The following LGSN variants were observed in gnomAD, a reference collection of about 807,000 sequenced individuals.
The protein encoded by LGSN is lengsin.
LGSN carries 21 observed loss-of-function variants against 19.5 expected under a neutral mutation model. The observed-to-expected ratio is 1.07, with a 90% CI of 0.76 to 1.55. The LOEUF (loss-of-function observed/expected upper bound fraction) is 1.55, where lower values mean the gene tolerates loss of function less well. LGSN is among the 40% of genes most tolerant of loss of function. The pLI, the probability that LGSN is intolerant of heterozygous loss-of-function variation, is 0.00. For missense variants in LGSN, 673 were observed against 608.5 expected, an observed-to-expected ratio of 1.11 and a Z score of -1.12; for synonymous variants, 257 against 215.6, an observed-to-expected ratio of 1.19 and a Z score of -1.68.
At chr6:63,399,570 A>AT in the LGSN span, among the ~76,000 whole-genome samples, 1 of 151,466 alleles carries the variant, frequency 6.6e-6, no homozygotes, top group African/African-American at 2.4e-5. Context: ...AATTTCTTGT[A>AT]TTTTTAGTAG....
At chr6:63,438,863 C>T in the LGSN span, among the ~76,000 whole-genome samples, 2 of 151,880 alleles carry the variant, frequency 1.3e-5, no homozygotes, top group African/African-American at 4.8e-5. Flanking sequence ...GGTATATACC[C>T]AAAGGACTAT....
chr6:63,545,888 T>G, the LGSN span, among the ~76,000 whole-genome samples: 8 of 152,014 alleles, frequency 5.3e-5, no homozygotes, highest in East Asian at 1.2e-3. Flanking sequence ...GAAAGAAAAA[T>G]AAAAATAAAC....
chr6:63,532,949 C>T, the LGSN span, among the ~76,000 whole-genome samples: 1 of 152,138 alleles, frequency 6.6e-6, no homozygotes, highest in African/African-American at 2.4e-5. Flanking sequence ...CCGATGTGAG[C>T]CTTCATCCTA....
intron 1 of LGSN, among the ~76,000 whole-genome samples, chr6:63,300,385 G>A (rs1768138144): frequency 6.6e-6 from 1 of 152,170 alleles, no homozygotes; most frequent in Admixed American, 6.5e-5. Context: ...TCAGAAATAG[G>A]GAAAGGAGCA....
upstream of LGSN, among the ~76,000 whole-genome samples, chr6:63,324,623 C>T (rs1221430624): frequency 2.6e-5 from 4 of 152,026 alleles, no homozygotes; most frequent in African/African-American, 9.7e-5. Flanking sequence ...ACTTTGGAAA[C>T]TCTACAAATA....
At chr6:63,346,953 C>T in the LGSN span, among the ~76,000 whole-genome samples, 2 of 152,034 alleles carry the variant, frequency 1.3e-5, no homozygotes, top group Non-Finnish European at 2.9e-5. Context: ...CATCTCCTGG[C>T]GAAGTATGAA....
At chr6:63,453,746 C>G in the LGSN span, among the ~76,000 whole-genome samples, 1 of 152,058 alleles carries the variant, frequency 6.6e-6, no homozygotes. Flanking sequence ...CTCCGCCTCC[C>G]GGGTTCACAC....
At chr6:63,284,764 C>T (rs1197245244) in intron 3 of LGSN, among the ~76,000 whole-genome samples, 1 of 152,080 alleles carries the variant, frequency 6.6e-6, no homozygotes, top group Non-Finnish European at 1.5e-5. Context: ...CAAATAATTC[C>T]TTAAGAAACA....
At chr6:63,442,271 G>A in the LGSN span, among the ~76,000 whole-genome samples, 3 of 152,216 alleles carry the variant, frequency 2.0e-5, no homozygotes, top group East Asian at 5.8e-4. Context: ...GACCCAAAGA[G>A]TGAGCAGCAG....
At chr6:63,568,967 T>A in the LGSN span, among the ~76,000 whole-genome samples, 1 of 152,318 alleles carries the variant, frequency 6.6e-6, no homozygotes, top group East Asian at 1.9e-4. Flanking sequence ...TACCTTGCAA[T>A]CTAGTGTCTT....
the LGSN span, among the ~76,000 whole-genome samples, chr6:63,404,441 C>A: frequency 2.0e-5 from 3 of 152,082 alleles, no homozygotes; most frequent in African/African-American, 7.2e-5. Flanking sequence ...AAATCTTAGT[C>A]TGTTCAGGTT....
chr6:63,572,192 T>A, the LGSN span: 1 of 155,246 alleles, frequency 6.4e-6, no homozygotes, highest in Non-Finnish European at 1.4e-5. Context: ...TTCCAGTCGA[T>A]AAATCGGAAT....
the LGSN span, among the ~76,000 whole-genome samples, chr6:63,434,604 CAAAAAA>C: frequency 4.6e-4 from 29 of 62,914 alleles, no homozygotes; most frequent in African/African-American, 1.2e-3. Context: ...ACTAAAAATT[CAAAAAA>C]AAAAAAAAAA....
At chr6:63,446,802 C>A in the LGSN span, among the ~76,000 whole-genome samples, 238 of 152,326 alleles carry the variant, frequency 1.6e-3, no homozygotes, top group Non-Finnish European at 2.9e-3. Flanking sequence ...GTAATCCCAG[C>A]ACTTTGGGAG....
intron 2 of LGSN, among the ~76,000 whole-genome samples, chr6:63,291,466 G>C (rs1023302511): frequency 6.6e-6 from 1 of 152,098 alleles, no homozygotes; most frequent in African/African-American, 2.4e-5. Context: ...CCTGGAGTTC[G>C]GCTGTCCCGC....
chr6:63,334,034 T>C, the LGSN span, among the ~76,000 whole-genome samples: 1 of 152,130 alleles, frequency 6.6e-6, no homozygotes, highest in Non-Finnish European at 1.5e-5. Flanking sequence ...TAGGAAAAAG[T>C]TGAATGCCTT....
chr6:63,438,461 T>A, the LGSN span, among the ~76,000 whole-genome samples: 473 of 152,186 alleles, frequency 3.1e-3, 1 homozygote, highest in African/African-American at 0.011. Flanking sequence ...CTCATCTGAC[T>A]AAGGGCTAAT....
At chr6:63,356,825 T>G in the LGSN span, among the ~76,000 whole-genome samples, 1 of 152,102 alleles carries the variant, frequency 6.6e-6, no homozygotes, top group Admixed American at 6.6e-5. Flanking sequence ...TAAGTTAAAA[T>G]CACAACCCCC....
the LGSN span, chr6:63,571,567 A>G: frequency 6.6e-6 from 1 of 152,262 alleles, no homozygotes; most frequent in South Asian, 2.1e-4. Context: ...TTTGACGCAA[A>G]GAATTACATC....
Sources: allele counts gnomAD v4.1 joint callset (sites outside exome capture counted in the v4.1 genomes callset), GRCh38; gene constraint gnomAD v4.1.1; transcripts MANE v1.5; gene names NCBI Gene and HGNC (gene_info 2026-07-23, HGNC 2026-07-21).